Variants in ZNF700 observed in about 807,000 individuals in gnomAD.
ZNF700 encodes the protein zinc finger protein 700.
Under a neutral mutation model 65.3 loss-of-function variants are expected in ZNF700, and 38 were observed. That is an observed-to-expected ratio of 0.58 (90% CI 0.45 to 0.76). The LOEUF (loss-of-function observed/expected upper bound fraction) is 0.76. Ranked by LOEUF, ZNF700 falls within the 30% of genes least tolerant of loss-of-function variation. ZNF700 has a pLI of 0.00. For synonymous variants in ZNF700, 285 were observed against 290.4 expected, an observed-to-expected ratio of 0.98 and a Z score of 0.19; for missense variants, 857 against 888.4, an observed-to-expected ratio of 0.96 and a Z score of 0.45.
At chr19:11,946,054 A>T (rs1192777675) in intron 1 of ZNF700, among the ~76,000 whole-genome samples, 1 of 152,264 alleles carries the variant, frequency 6.6e-6, no homozygotes, top group African/African-American at 2.4e-5. Context: ...CCTGACTGTC[A>T]TCCTGACCAT....
chr19:11,941,374 G>T (rs918082921), intron 1 of ZNF700, among the ~76,000 whole-genome samples: 1 of 152,228 alleles, frequency 6.6e-6, no homozygotes, highest in Non-Finnish European at 1.5e-5. Context: ...GGCTCGGGCC[G>T]CACAGGAGCC....
At chr19:11,939,056 C>T (rs1474494005) in intron 1 of ZNF700, among the ~76,000 whole-genome samples, 1 of 152,108 alleles carries the variant, frequency 6.6e-6, no homozygotes, top group African/African-American at 2.4e-5. Context: ...GTCCTTTGCC[C>T]ACTTTTTGAT....
In ZNF700 at chr19:11,941,594, G is replaced by A. The variant is rs1416342551; in HGVS notation, c.64-5587G>A. Among the ~76,000 whole-genome samples, 6 of 152,292 alleles carry A rather than the reference G, an allele frequency of 3.9e-5. No individual in the cohort carries two copies. The East Asian group carries it at 5.8e-4, about 15-fold the overall frequency. ...AGGGTCGGCCGGCTGCTCCGAGTGC[G>A]GGGCCGCCAAGCCCACGCCCACCCA... On this transcript the variant is annotated intron_variant, in intron 1 of 3. Transcript: ENST00000254321.
rs764726181 is a variant in ZNF700 at position 11,948,374 on chromosome 19, A to G, written c.350A>G (p.Lys117Arg). ...GATGACAGACTGAACTTCCAGGAGAAGAAAGCTTCTCCTGAAGTAAAATCA... is the reference window on the plus strand; with the variant it reads ...GATGACAGACTGAACTTCCAGGAGAGGAAAGCTTCTCCTGAAGTAAAATCA... The part of the protein sequence containing the change: ...VPDDRLNFQE[K>R]KASPEVKSCD... The change falls in exon 4 of 4, where the codon AAG becomes AGG. Residue 117 changes from lysine (K) to arginine (R), a missense_variant. Coordinates refer to ENST00000254321, the MANE Select transcript of ZNF700 (RefSeq NM_144566.3). The G allele has an allele frequency of 1.4e-5, 22 of 1,614,052 alleles. No individual in the cohort carries two copies. The highest frequency in any genetic ancestry group is 1.7e-4 in the Middle Eastern group (1 of 6,056).
chr19:11,943,529 A>G (rs928729795), intron 1 of ZNF700, among the ~76,000 whole-genome samples: 3 of 152,048 alleles, frequency 2.0e-5, no homozygotes, highest in Non-Finnish European at 4.4e-5. Context: ...TCTATTACCT[A>G]GAAAAGAACT....
At chr19:11,947,019 T>TAA (rs1972970232) in intron 1 of ZNF700, 162 bp from the exon 2 acceptor site, 1 of 1,220,446 alleles carries the variant, frequency 8.2e-7, no homozygotes, top group Non-Finnish European at 1.1e-6. Context: ...AATTGCTTTA[T>TAA]GGAAGAAAGT....
At chr19:11,948,215 T>C in intron 3 of ZNF700, 61 bp from the exon 4 acceptor site, 1 of 1,549,562 alleles carries the variant, frequency 6.5e-7, no homozygotes, top group Non-Finnish European at 8.8e-7. Context: ...GCAATACTTG[T>C]TGATTAATAT....
chr19:11,948,409 T>C lies in ZNF700; in HGVS notation c.385T>C (p.Phe129Leu), dbSNP rs781120723. The change falls in exon 4 of 4, where the codon TTT (phenylalanine) becomes CTT (leucine). Residue 129 changes from phenylalanine to leucine, a missense_variant. Physicochemically the swap from Phe to Leu is conservative, Grantham distance 22. Around this residue, in one of 3 missense-constraint regions of ZNF700, gnomAD observed 603 missense variants for 619.9 expected, o/e 0.97. Transcript: ENST00000254321. ...ASPEVKSCDS[F>L]VCAEVGIGNS... The stretch of plus-strand genomic sequence containing the variant: ...TCCTGAAGTAAAATCATGTGACAGC[T>C]TTGTGTGTGCAGAAGTTGGCATAGG... 1 of 1,614,110 alleles carries C rather than the reference T, an allele frequency of 6.2e-7. No homozygotes were observed. The highest frequency in any genetic ancestry group is 8.5e-7 in the Non-Finnish European group (1 of 1,180,002).
chr19:11,926,976 A>G (rs1972638704), intron 1 of ZNF700, among the ~76,000 whole-genome samples: 1 of 152,196 alleles, frequency 6.6e-6, no homozygotes, highest in South Asian at 2.1e-4. Flanking sequence ...AGAGGTCCTG[A>G]TCAGACCCCA....
At chr19:11,931,115 C>T (rs1972707043) in intron 1 of ZNF700, among the ~76,000 whole-genome samples, 1 of 148,258 alleles carries the variant, frequency 6.7e-6, no homozygotes, top group Non-Finnish European at 1.5e-5. Context: ...GAGTACAAAG[C>T]TGCAGTGTGT....
chr19:11,931,524 C>T (rs2145275921), intron 1 of ZNF700, among the ~76,000 whole-genome samples: 1 of 148,302 alleles, frequency 6.7e-6, no homozygotes, highest in African/African-American at 2.6e-5. Flanking sequence ...TAACACCTCC[C>T]AACAATATTC....
At chr19:11,943,614 T>C (rs999336898) in intron 1 of ZNF700, among the ~76,000 whole-genome samples, 13 of 152,296 alleles carry the variant, frequency 8.5e-5, no homozygotes, top group Admixed American at 8.5e-4. Context: ...AGGTCGGGCA[T>C]TTCCTGGGTT....
chr19:11,938,660 A>G (rs1017611265), intron 1 of ZNF700, among the ~76,000 whole-genome samples: 1 of 152,108 alleles, frequency 6.6e-6, no homozygotes, highest in African/African-American at 2.4e-5. Flanking sequence ...AGTCTTTGCT[A>G]TTGTGAATGG....
chr19:11,946,919 G>T, intron 1 of ZNF700: 1 of 545,000 alleles, frequency 1.8e-6, no homozygotes, highest in Non-Finnish European at 2.7e-6. Flanking sequence ...AGAATCGCTT[G>T]AACCCCGGTG....
intron 1 of ZNF700, among the ~76,000 whole-genome samples, chr19:11,941,979 T>G (rs1489018102): frequency 0.013 from 2 of 156 alleles, no homozygotes; most frequent in African/African-American, 0.062. Flanking sequence ...CTGTGCTTAT[T>G]ACACCTGGTA....
At chr19:11,938,269 T>C (rs1972828162) in intron 1 of ZNF700, among the ~76,000 whole-genome samples, 1 of 152,088 alleles carries the variant, frequency 6.6e-6, no homozygotes, top group Admixed American at 6.5e-5. Context: ...AGTTCTAGGG[T>C]ACATGTGCAC....
intron 1 of ZNF700, among the ~76,000 whole-genome samples, chr19:11,936,320 C>G (rs1972794190): frequency 6.6e-6 from 1 of 152,154 alleles, no homozygotes; most frequent in Non-Finnish European, 1.5e-5. Flanking sequence ...TAAAAGTGTT[C>G]CTATTTCTCC....
chr19:11,947,447 C>A lies in ZNF700; in HGVS notation c.191-67C>A. 3 of 1,600,822 alleles carry A rather than the reference C, an allele frequency of 1.9e-6. No individual in the cohort carries two copies. In the South Asian group the frequency reaches 3.4e-5, roughly 18 times the overall value. ...GCATGGCTGCAGTAAATCATGGGCA[C>A]AGAATCTAATAATTTTTTCACAATT... On this transcript the variant is annotated intron_variant, in intron 2 of 3. Transcript: ENST00000254321.
intron 1 of ZNF700, among the ~76,000 whole-genome samples, chr19:11,945,463 C>T (rs1266385123): frequency 1.3e-5 from 2 of 152,196 alleles, no homozygotes; most frequent in African/African-American, 4.8e-5. Context: ...TCCATGGAGA[C>T]TGGCAAAGGA....
Sources: allele counts gnomAD v4.1 joint callset (sites outside exome capture counted in the v4.1 genomes callset), GRCh38; gene constraint gnomAD v4.1.1; regional missense constraint gnomAD v4.1.1; transcripts MANE v1.5; gene names NCBI Gene and HGNC (gene_info 2026-07-23, HGNC 2026-07-21).